The following WDR64 variants were observed in gnomAD, a reference collection of about 807,000 sequenced individuals.
The protein encoded by WDR64 is WD repeat-containing protein 64.
Under a neutral mutation model 139.3 loss-of-function variants are expected in WDR64, and 112 were observed. The ratio of observed to expected loss-of-function variants is 0.80; its 90% CI spans 0.69 to 0.94. WDR64 has a LOEUF of 0.94. WDR64 is among the 40% of genes least tolerant of loss of function. The probability of loss-of-function intolerance (pLI) is 0.00; values close to 1 mark genes in which losing one functional copy is unlikely to be tolerated. For missense variants in WDR64, 1,206 were observed against 1,293.1 expected (o/e 0.93, Z 1.03); for synonymous variants, 444 against 437.7 (o/e 1.01, Z -0.18).
intron 9 of WDR64, among the ~76,000 whole-genome samples, chr1:241,712,433 AAC>A (rs1263921483): frequency 6.6e-6 from 1 of 152,206 alleles, no homozygotes; most frequent in Non-Finnish European, 1.5e-5. Context: ...GGAAAAAGGT[AAC>A]ACAATAAGTT....
At chr1:241,784,022 A>G (rs1658944439) in intron 23 of WDR64, among the ~76,000 whole-genome samples, 1 of 152,228 alleles carries the variant, frequency 6.6e-6, no homozygotes, top group South Asian at 2.1e-4. Context: ...GAGGCTTTGA[A>G]GTATATTAGG....
At chr1:241,775,058 G>T in intron 20 of WDR64, 47 bp from the exon 21 acceptor site, 1 of 1,414,534 alleles carries the variant, frequency 7.1e-7, no homozygotes, top group South Asian at 1.3e-5. Flanking sequence ...GATTTTATAA[G>T]ACTTACTAGC....
chr1:241,787,741 A>G (rs540240331), intron 23 of WDR64, 108 bp from the exon 24 acceptor site: 2 of 957,078 alleles, frequency 2.1e-6, no homozygotes, highest in South Asian at 2.2e-5. Flanking sequence ...CCCAAGTAAA[A>G]AAATCCTTGA....
intron 2 of WDR64, among the ~76,000 whole-genome samples, chr1:241,665,108 G>A (rs1237814207): frequency 6.6e-6 from 1 of 152,050 alleles, no homozygotes; most frequent in African/African-American, 2.4e-5. Context: ...ACATTATTCT[G>A]TTACATCACT....
chr1:241,735,638 G>A (rs188959135), intron 10 of WDR64, among the ~76,000 whole-genome samples: 19 of 148,086 alleles, frequency 1.3e-4, no homozygotes, highest in African/African-American at 4.5e-4. Context: ...GGGTTCAAGC[G>A]ATTCTCCTGT....
chr1:241,724,851 T>C (rs912130453), intron 10 of WDR64, among the ~76,000 whole-genome samples: 1 of 152,166 alleles, frequency 6.6e-6, no homozygotes, highest in East Asian at 1.9e-4. Context: ...ATGCAACTCA[T>C]TGATGCTAAT....
chr1:241,690,933 C>T (rs935121397), intron 8 of WDR64, among the ~76,000 whole-genome samples: 3 of 151,914 alleles, frequency 2.0e-5, no homozygotes, highest in Non-Finnish European at 4.4e-5. Context: ...ACAATATATA[C>T]ACATATAAAC....
At position 241,687,506 on chromosome 1, in the gene WDR64, T is replaced by C. The variant is rs1199746753; in HGVS notation, c.885T>C (p.Tyr295=). Residue 295 remains tyrosine, a synonymous_variant, in exon 8 of 28, where the codon TAT becomes TAC. Coordinates refer to ENST00000437684, the MANE Select transcript of WDR64 (RefSeq NM_001367482.1). ...ATGACTGGGTTATGAAAATTAGATA[T>C]ATTTCAGCCCTAAATTGTTTTGGAT... The part of the protein sequence containing the change: ...LHNDWVMKIR[Y]ISALNCFGSC... 23 of 1,613,806 alleles carry C rather than the reference T, an allele frequency of 1.4e-5. No homozygotes were observed. Among genetic ancestry groups the C allele is most frequent in the East Asian group, 4.5e-5 (2 of 44,850 alleles).
At chr1:241,662,353 A>G (rs186546459) in intron 2 of WDR64, among the ~76,000 whole-genome samples, 1 of 152,254 alleles carries the variant, frequency 6.6e-6, no homozygotes, top group African/African-American at 2.4e-5. Flanking sequence ...ATCTGCTCCT[A>G]AGCTCATTCA....
chr1:241,758,645 C>T (rs10737868), intron 15 of WDR64, among the ~76,000 whole-genome samples: 119,759 of 152,062 alleles, frequency 0.79, 47,580 homozygotes, highest in African/African-American at 0.86. Context: ...ATTTAATTTG[C>T]TACTATTATT....
At position 241,660,560 on chromosome 1, in the gene WDR64, C is replaced by T. The variant is rs150170869; in HGVS notation, c.176C>T (p.Ser59Leu). 964 of 1,551,666 alleles carry T rather than the reference C, an allele frequency of 6.2e-4. 11 individuals carry two copies. In the African/African-American group the frequency reaches 0.011, roughly 17 times the overall value. Residue 59 changes from serine (S) to leucine (L), a missense_variant, in exon 2 of 28, where the codon TCG becomes TTG. Coordinates refer to ENST00000437684, the MANE Select transcript of WDR64 (RefSeq NM_001367482.1). ...DAIGYDKFYA[S>L]VQKLFGPDVK... Reference sequence around the variant, plus strand: ...ATTGGTTATGACAAGTTTTATGCATCGGTACAGAAGCTCTTTGGTCCAGAT... The same window carrying T: ...ATTGGTTATGACAAGTTTTATGCATTGGTACAGAAGCTCTTTGGTCCAGAT...
chr1:241,683,572 A>G lies in WDR64; in HGVS notation c.710A>G (p.Asp237Gly), dbSNP rs1248183631. Residue 237 changes from aspartate (D) to glycine (G), a missense_variant, in exon 7 of 28, where the codon GAC becomes GGC. Asp to Gly is a moderately conservative substitution (Grantham distance 94). Coordinates refer to ENST00000437684, the MANE Select transcript of WDR64 (RefSeq NM_001367482.1). ...TTGCCTGACCATCTCTGCCGAGATG[A>G]CATCCTCTTGGGGGATGATGGGGGT... The part of the protein sequence containing the change: ...VPLPDHLCRD[D>G]ILLGDDGGFV... The G allele has an allele frequency of 1.9e-5, 30 of 1,551,706 alleles. No individual in the cohort carries two copies. The highest frequency in any genetic ancestry group is 2.6e-5 in the Non-Finnish European group (30 of 1,146,988).
At chr1:241,761,174 G>A (rs1262233146) in intron 15 of WDR64, among the ~76,000 whole-genome samples, 3 of 152,094 alleles carry the variant, frequency 2.0e-5, no homozygotes, top group African/African-American at 4.8e-5. Context: ...ATCAAAACAA[G>A]TGCCTTTATA....
At chr1:241,701,254 A>G (rs1667698156) in intron 8 of WDR64, among the ~76,000 whole-genome samples, 1 of 151,916 alleles carries the variant, frequency 6.6e-6, no homozygotes, top group Non-Finnish European at 1.5e-5. Flanking sequence ...ATTTACACAC[A>G]CATACACATG....
At chr1:241,720,216 G>C (rs1668554700) in intron 9 of WDR64, among the ~76,000 whole-genome samples, 1 of 152,106 alleles carries the variant, frequency 6.6e-6, no homozygotes, top group Non-Finnish European at 1.5e-5. Flanking sequence ...ATGGGTGTTT[G>C]GGTTGATTCC....
rs201035018 is a variant in WDR64, at chr1:241,766,307, T to G, written c.2037T>G (p.Gly679=). The G allele has an allele frequency of 5.7e-5, 92 of 1,614,012 alleles. No homozygotes were observed. The highest frequency in any genetic ancestry group is 6.7e-5 in the Non-Finnish European group (79 of 1,180,018). The change falls in exon 16 of 28, where the codon GGT becomes GGG. Residue 679 remains glycine, a synonymous_variant. Transcript: ENST00000437684. ...TGATAGCAGCTGGAACCTTAAATGGTGTGATCATCTTATGGAATTTTGTGA... is the reference window on the plus strand; with the variant it reads ...TGATAGCAGCTGGAACCTTAAATGGGGTGATCATCTTATGGAATTTTGTGA... The part of the protein sequence containing the change: ...YNLIAAGTLN[G]VIILWNFVTS...
intron 15 of WDR64, among the ~76,000 whole-genome samples, chr1:241,761,334 T>A (rs533572164): frequency 6.6e-6 from 1 of 152,188 alleles, no homozygotes; most frequent in East Asian, 1.9e-4. Flanking sequence ...CAGAAAAAAA[T>A]GAACAACCAT....
chr1:241,724,994 C>T (rs183092398), intron 10 of WDR64, among the ~76,000 whole-genome samples: 310 of 152,126 alleles, frequency 2.0e-3, no homozygotes, highest in African/African-American at 6.4e-3. Flanking sequence ...CCTCAGCCTG[C>T]CTCCCTATAC....
intron 2 of WDR64, among the ~76,000 whole-genome samples, chr1:241,666,719 A>G (rs946281423): frequency 7.9e-5 from 12 of 152,208 alleles, no homozygotes; most frequent in African/African-American, 2.9e-4. Flanking sequence ...ACATTGATTG[A>G]GCTCCTACTG....
Sources: allele counts gnomAD v4.1 joint callset (sites outside exome capture counted in the v4.1 genomes callset), GRCh38; gene constraint gnomAD v4.1.1; transcripts MANE v1.5; gene names NCBI Gene and HGNC (gene_info 2026-07-23, HGNC 2026-07-21).